The following F13A1 variants were observed in gnomAD, a reference collection of about 807,000 sequenced individuals.
F13A1 encodes the protein coagulation factor XIII A chain, also known as FSF, A subunit.
F13A1 carries 47 observed loss-of-function variants against 80.1 expected under a neutral mutation model. That is an observed-to-expected ratio of 0.59 (90% CI 0.46 to 0.75). The LOEUF (loss-of-function observed/expected upper bound fraction) is 0.75. Ranked by LOEUF, F13A1 falls within the 30% of genes least tolerant of loss-of-function variation. The pLI is 0.00. For missense variants in F13A1, 817 were observed against 930.4 expected (o/e 0.88, Z 1.59); for synonymous variants, 349 against 344.9 (o/e 1.01, Z -0.13).
chr6:6,294,916 C>A (rs1355338969), intron 3 of F13A1, among the ~76,000 whole-genome samples: 15 of 128,240 alleles, frequency 1.2e-4, no homozygotes, highest in Non-Finnish European at 1.6e-5. Flanking sequence ...CACAACAGGC[C>A]CCAGAGTGTG....
chr6:6,258,786 T>A (rs1363541332), intron 4 of F13A1, among the ~76,000 whole-genome samples: 1 of 152,232 alleles, frequency 6.6e-6, no homozygotes, highest in Non-Finnish European at 1.5e-5. Context: ...ATAAGCTTTA[T>A]TAAAACTTCA....
At position 6,197,290 on chromosome 6, in the gene F13A1, C is replaced by G. The variant is rs750203146; in HGVS notation, c.1149G>C (p.Arg383Ser). 2.5e-6 allele frequency: 4 copies of G among 1,614,218 alleles called. No homozygotes were observed. The highest frequency in any genetic ancestry group is 2.5e-6 in the Non-Finnish European group (3 of 1,180,040). ...YHCWNEAWMT[R>S]PDLPVGFGGW... is the part of the protein sequence containing the mutation. ...CTCCAAATCCAACAGGAAGGTCAGG[C>G]CTTGTCATCCATGCTTCATTCCAGC... The change falls in exon 9 of 15, where the codon AGG becomes AGC. Residue 383 changes from arginine (R) to serine (S), a missense_variant. By Grantham distance (110) the Arg-to-Ser change is moderately radical. Coordinates refer to ENST00000264870, the MANE Select transcript of F13A1 (RefSeq NM_000129.4).
chr6:6,305,212 A>G (rs1758494212), intron 3 of F13A1, 139 bp downstream of exon 3: 3 of 931,256 alleles, frequency 3.2e-6, no homozygotes, highest in Non-Finnish European at 5.2e-6. Context: ...AGCACAGGGT[A>G]ATTCAGGGGC....
At chr6:6,241,576 C>T (rs1183081613) in intron 6 of F13A1, among the ~76,000 whole-genome samples, 1 of 152,092 alleles carries the variant, frequency 6.6e-6, no homozygotes, top group Non-Finnish European at 1.5e-5. Flanking sequence ...TTTAGAAATG[C>T]CAAGGACAAT....
chr6:6,243,969 G>A lies in F13A1; in HGVS notation c.798+4343C>T, dbSNP rs748816450. Among the ~76,000 whole-genome samples, 4 of 152,300 alleles carry A rather than the reference G, an allele frequency of 2.6e-5. No individual in the cohort carries two copies. The highest frequency in any genetic ancestry group is 1.9e-4 in the East Asian group (1 of 5,182). On this transcript the variant is annotated intron_variant, in intron 6 of 14. Transcript: ENST00000264870. The surrounding 1 kb of genome is among the most constrained non-coding windows in gnomAD (Gnocchi z 4.2). ...TAGTTGCTGCCAGATCCTATCAGTC[G>A]GGAGGCAGGAACAGGCATAGACAGG...
chr6:6,182,230 T>C, intron 10 of F13A1, 89 bp from the exon 11 acceptor site: 1 of 1,419,224 alleles, frequency 7.0e-7, no homozygotes, highest in East Asian at 2.3e-5. Flanking sequence ...CGTCTAGAGA[T>C]CTCTGGAGCT....
chr6:6,170,105 C>T (rs771322032), intron 12 of F13A1, among the ~76,000 whole-genome samples: 3 of 152,182 alleles, frequency 2.0e-5, no homozygotes, highest in Non-Finnish European at 4.4e-5. Context: ...CACAAATGGT[C>T]AGTTTATCGT....
At chr6:6,293,193 AC>A (rs1758249005) in intron 3 of F13A1, among the ~76,000 whole-genome samples, 1 of 152,096 alleles carries the variant, frequency 6.6e-6, no homozygotes, top group Non-Finnish European at 1.5e-5. Context: ...CATGGACCCT[AC>A]TGTCACTTCG....
At chr6:6,245,598 C>T (rs1477746338) in intron 6 of F13A1, among the ~76,000 whole-genome samples, 1 of 152,300 alleles carries the variant, frequency 6.6e-6, no homozygotes, top group African/African-American at 2.4e-5. Context: ...ATGCACCCAC[C>T]TGTTGCCTGA....
intron 8 of F13A1, among the ~76,000 whole-genome samples, chr6:6,201,661 T>C (rs987920743): frequency 6.6e-6 from 1 of 152,208 alleles, no homozygotes; most frequent in Non-Finnish European, 1.5e-5. Context: ...CCCAAGTTCC[T>C]CCATGAAAGA....
At chr6:6,150,633 G>A (rs901788275) in intron 14 of F13A1, among the ~76,000 whole-genome samples, 17 of 152,120 alleles carry the variant, frequency 1.1e-4, no homozygotes, top group Admixed American at 2.0e-4. Context: ...AAAGGGTGTC[G>A]GGAAAATTCT....
At chr6:6,181,962 ATCT>A (rs1760995670) in intron 11 of F13A1, 23 bp downstream of exon 11, 2 of 1,613,562 alleles carry the variant, frequency 1.2e-6, no homozygotes, top group African/African-American at 1.3e-5. Flanking sequence ...GGGCAAATAA[ATCT>A]TCATTCAGTG....
At chr6:6,179,647 G>A (rs1760944723) in intron 11 of F13A1, among the ~76,000 whole-genome samples, 1 of 152,170 alleles carries the variant, frequency 6.6e-6, no homozygotes, top group South Asian at 2.1e-4. Flanking sequence ...CAAAGTTCCA[G>A]TTTGAAATGT....
In F13A1 at chr6:6,208,046, A is replaced by T. The variant is rs573591472; in HGVS notation, c.1113-10720T>A. Among the ~76,000 whole-genome samples the T allele has an allele frequency of 3.3e-4, 50 of 152,252 alleles. 1 individual carries two copies. The highest frequency in any genetic ancestry group is 1.2e-3 in the African/African-American group (48 of 41,472). On this transcript the variant is annotated intron_variant, in intron 8 of 14. Transcript: ENST00000264870. ...AAAGTATAGCCCATACACAGGAAGC[A>T]GCCAAGAGAAATTGGTATTAAGAAA... is the stretch of plus-strand genomic sequence containing the variant.
chr6:6,176,872 G>A (rs1272928480), intron 11 of F13A1, among the ~76,000 whole-genome samples: 1 of 152,160 alleles, frequency 6.6e-6, no homozygotes, highest in Admixed American at 6.5e-5. Flanking sequence ...AAGCCTTGAA[G>A]CCAGCCACAA....
chr6:6,220,089 C>T (rs1242648487), intron 8 of F13A1, among the ~76,000 whole-genome samples: 1 of 152,180 alleles, frequency 6.6e-6, no homozygotes, highest in African/African-American at 2.4e-5. Flanking sequence ...TCCCACTGAG[C>T]CCTTTAATCC....
At chr6:6,210,614 T>C (rs970059243) in intron 8 of F13A1, among the ~76,000 whole-genome samples, 1 of 152,018 alleles carries the variant, frequency 6.6e-6, no homozygotes, top group East Asian at 1.9e-4. Flanking sequence ...CAGGATGGTC[T>C]TGATCTCCTG....
intron 7 of F13A1, among the ~76,000 whole-genome samples, chr6:6,223,047 C>T (rs541217331): frequency 1.2e-4 from 19 of 152,342 alleles, no homozygotes; most frequent in Non-Finnish European, 2.5e-4. Flanking sequence ...TTGCCACTCT[C>T]ATTCTGTTTC....
intron 10 of F13A1, among the ~76,000 whole-genome samples, chr6:6,184,670 C>A (rs1163735940): frequency 1.3e-5 from 2 of 152,208 alleles, no homozygotes; most frequent in African/African-American, 4.8e-5. Flanking sequence ...TAAATAACTT[C>A]TTAATAACAA....
Sources: allele counts gnomAD v4.1 joint callset (sites outside exome capture counted in the v4.1 genomes callset), GRCh38; gene constraint gnomAD v4.1.1; non-coding constraint Gnocchi (gnomAD v3.1); transcripts MANE v1.5; gene names NCBI Gene and HGNC (gene_info 2026-07-23, HGNC 2026-07-21).